KCNIP1: variants seen among roughly 807,000 people sequenced by gnomAD.
KCNIP1 encodes A-type potassium channel modulatory protein KCNIP1.
KCNIP1 carries 18 observed loss-of-function variants against 33.0 expected under a neutral mutation model. That is an observed-to-expected ratio of 0.55 (90% CI 0.38 to 0.81). The LOEUF is 0.81. Ranked by LOEUF, KCNIP1 falls within the 30% of genes least tolerant of loss-of-function variation. The probability of loss-of-function intolerance (pLI) is 0.00; values close to 1 mark genes in which losing one functional copy is unlikely to be tolerated. For synonymous variants in KCNIP1, 93 were observed against 98.3 expected, an observed-to-expected ratio of 0.95 and a Z score of 0.32; for missense variants, 238 against 271.6, an observed-to-expected ratio of 0.88 and a Z score of 0.87.
At chr5:170,695,991 C>A (rs1260761517) in intron 1 of KCNIP1, among the ~76,000 whole-genome samples, 1 of 149,788 alleles carries the variant, frequency 6.7e-6, no homozygotes, top group Non-Finnish European at 1.5e-5. Context: ...TACACTCCAG[C>A]CTGGGACAGA....
chr5:170,397,549 G>A (rs1175615647), intron 1 of KCNIP1, among the ~76,000 whole-genome samples: 1 of 152,206 alleles, frequency 6.6e-6, no homozygotes, highest in Non-Finnish European at 1.5e-5. Context: ...TGTAGGTAGG[G>A]ACTCTAAACA....
intron 1 of KCNIP1, among the ~76,000 whole-genome samples, chr5:170,455,549 C>G (rs1756352145): frequency 6.6e-6 from 1 of 152,174 alleles, no homozygotes; most frequent in Non-Finnish European, 1.5e-5. Flanking sequence ...TAGAATAGAC[C>G]ATATGCTAGG....
At chr5:170,469,798 G>C (rs189469158) in intron 1 of KCNIP1, among the ~76,000 whole-genome samples, 2 of 152,188 alleles carry the variant, frequency 1.3e-5, no homozygotes, top group East Asian at 3.9e-4. Flanking sequence ...CTCTTCCATT[G>C]ATCTCTCTGT....
At chr5:170,490,559 A>G (rs558495403) in intron 1 of KCNIP1, among the ~76,000 whole-genome samples, 1 of 152,286 alleles carries the variant, frequency 6.6e-6, no homozygotes, top group Admixed American at 6.5e-5. Flanking sequence ...TGACTTTGAC[A>G]TTGTCCTGTG....
chr5:170,678,588 G>A (rs1429186692), intron 1 of KCNIP1: 1 of 152,204 alleles, frequency 6.6e-6, no homozygotes, highest in Non-Finnish European at 1.5e-5. Context: ...AGCAGTGAGG[G>A]ATTAAGTCTA....
At chr5:170,382,018 T>G (rs754069079) in intron 1 of KCNIP1, among the ~76,000 whole-genome samples, 5 of 151,952 alleles carry the variant, frequency 3.3e-5, no homozygotes, top group Non-Finnish European at 5.9e-5. Context: ...TCCCCCAGCC[T>G]CCACGCCCCA....
At chr5:170,358,905 G>C (rs1166955366) in intron 1 of KCNIP1, among the ~76,000 whole-genome samples, 3 of 152,190 alleles carry the variant, frequency 2.0e-5, no homozygotes, top group Non-Finnish European at 4.4e-5. Context: ...CCTAGGGCTG[G>C]AGAAGTCACG....
chr5:170,623,642 T>C (rs4867618), intron 1 of KCNIP1, among the ~76,000 whole-genome samples: 72,366 of 151,900 alleles, frequency 0.48, 17,825 homozygotes, highest in East Asian at 0.68. Flanking sequence ...TCATGAAGTT[T>C]CAGGTAAAGA....
chr5:170,615,377 G>A (rs1759326773), intron 1 of KCNIP1, among the ~76,000 whole-genome samples: 1 of 152,172 alleles, frequency 6.6e-6, no homozygotes, highest in Non-Finnish European at 1.5e-5. Flanking sequence ...TGGCTCCTTC[G>A]CAGAAGCACA....
intron 1 of KCNIP1, among the ~76,000 whole-genome samples, chr5:170,379,289 C>T (rs1278223750): frequency 6.6e-6 from 1 of 152,084 alleles, no homozygotes; most frequent in Non-Finnish European, 1.5e-5. Context: ...TCTTTCTGAG[C>T]CCTGAAGCTT....
At chr5:170,558,861 A>G (rs892996365) in intron 1 of KCNIP1, among the ~76,000 whole-genome samples, 9 of 152,344 alleles carry the variant, frequency 5.9e-5, no homozygotes, top group Admixed American at 1.3e-4. Context: ...GAAATTGCCA[A>G]TTGACATATG....
At chr5:170,490,481 C>G (rs1757183433) in intron 1 of KCNIP1, among the ~76,000 whole-genome samples, 2 of 152,076 alleles carry the variant, frequency 1.3e-5, no homozygotes, top group Admixed American at 1.3e-4. Flanking sequence ...ATACACACAC[C>G]CATAAGAGTG....
intron 1 of KCNIP1, among the ~76,000 whole-genome samples, chr5:170,531,314 C>A (rs777825404): frequency 7.2e-5 from 11 of 152,288 alleles, no homozygotes; most frequent in Middle Eastern, 3.4e-3. Context: ...CATGCAAATT[C>A]TGATTCAGGA....
At chr5:170,466,388 G>A (rs576207332) in intron 1 of KCNIP1, among the ~76,000 whole-genome samples, 23 of 152,210 alleles carry the variant, frequency 1.5e-4, no homozygotes, top group African/African-American at 5.1e-4. Flanking sequence ...AAAGGTCTGG[G>A]GTGAAGATCT....
rs189655732 is a variant in KCNIP1 at position 170,706,836 on chromosome 5, G to A, written c.62-11922G>A. 9.5e-4 allele frequency among the ~76,000 whole-genome samples: 144 copies of A among 152,278 alleles called. 1 individual carries two copies. The highest frequency in any genetic ancestry group is 2.1e-4 in the Non-Finnish European group (14 of 68,030). The stretch of plus-strand genomic sequence containing the variant: ...TGTCATTTCAGCTCCTCAGTCAAGA[G>A]GAGTAATGAAATCCCACCCGTGTTA... On this transcript the variant is annotated intron_variant, in intron 1 of 7. Coordinates refer to ENST00000328939, the MANE Select transcript of KCNIP1 (RefSeq NM_014592.4).
chr5:170,388,621 C>T (rs1010640683), intron 1 of KCNIP1, among the ~76,000 whole-genome samples: 2 of 152,132 alleles, frequency 1.3e-5, no homozygotes, highest in African/African-American at 2.4e-5. Flanking sequence ...ATAGCTGGGT[C>T]GACATCCTTT....
intron 1 of KCNIP1, chr5:170,378,679 A>T: frequency 6.3e-7 from 1 of 1,577,930 alleles, no homozygotes; most frequent in Non-Finnish European, 8.6e-7. Context: ...TGCCCTGACA[A>T]GTGGTATGGC....
intron 1 of KCNIP1, among the ~76,000 whole-genome samples, chr5:170,574,563 C>T (rs1176076683): frequency 6.6e-6 from 1 of 152,240 alleles, no homozygotes; most frequent in African/African-American, 2.4e-5. Flanking sequence ...CACTTCCATA[C>T]CACATGGTTT....
intron 4 of KCNIP1, 102 bp downstream of exon 4, chr5:170,722,005 T>A (rs1440494808): frequency 7.5e-7 from 1 of 1,330,604 alleles, no homozygotes; most frequent in Admixed American, 2.0e-5. Context: ...TCAAAAGCTC[T>A]CAGTCAGACC....
Sources: gnomAD v4.1 joint callset for allele counts (sites outside exome capture counted in the v4.1 genomes callset) on GRCh38, gnomAD v4.1.1 for gene constraint, MANE v1.5 for transcripts, NCBI Gene and HGNC (gene_info 2026-07-23, HGNC 2026-07-21) for gene names.